KLF13: variants seen among roughly 807,000 people sequenced by gnomAD.
The protein encoded by KLF13 is KLF transcription factor 13.
A neutral mutation model predicts 16.7 loss-of-function variants in KLF13; 8 were observed. That is an observed-to-expected ratio of 0.48 (90% CI 0.28 to 0.87). KLF13 has a LOEUF of 0.87. Among genes scored for constraint, KLF13 ranks in the 40% least tolerant of loss-of-function variants. The probability of loss-of-function intolerance (pLI) is 0.10; values close to 1 mark genes in which losing one functional copy is unlikely to be tolerated. For missense variants in KLF13, 447 were observed against 452.2 expected (o/e 0.99, Z 0.10); for synonymous variants, 245 against 208.4 (o/e 1.18, Z -1.51).
Position 31,373,695 on chromosome 15 carries a change from A to G in KLF13, c.*1396A>G, listed in dbSNP as rs1253960879. On this transcript the variant is annotated 3_prime_UTR_variant, in exon 2 of 2. Coordinates refer to ENST00000307145, the MANE Select transcript of KLF13 (RefSeq NM_015995.4). The stretch of plus-strand genomic sequence containing the variant: ...GAGCTGGGTCCTGGGCTGGGATTCG[A>G]GCCCTGGGCGGGGGTCAGTCAAGCC... The G allele has an allele frequency of 6.6e-6, 1 of 152,118 alleles. No homozygotes were observed. Among genetic ancestry groups the G allele is most frequent in the African/African-American group, 2.4e-5 (1 of 41,410 alleles). The allele number at this position is 152,118 out of a possible 1,614,324, so 9.4% of individuals were successfully genotyped here. A position where few individuals can be genotyped will look rare whatever the true frequency, so the allele number is the denominator to read the frequency against.
Position 31,374,334 on chromosome 15 carries a change from C to T in KLF13, c.*2035C>T, listed in dbSNP as rs371507983. ...TGGGAACTGGCAGGGAGAGGGTCAC[C>T]TCCACTCTGGTTGGATGCGGAGCTG... On this transcript the variant is annotated 3_prime_UTR_variant, in exon 2 of 2. Coordinates refer to ENST00000307145, the MANE Select transcript of KLF13 (RefSeq NM_015995.4). 2.6e-5 allele frequency: 4 copies of T among 152,450 alleles called. No homozygotes were observed. The highest frequency in any genetic ancestry group is 9.6e-5 in the African/African-American group (4 of 41,482). The allele number at this position is 152,450 out of a possible 1,614,324, so 9.4% of individuals were successfully genotyped here.
At chr15:31,382,633 G>T (rs1167206420), downstream of KLF13, among the ~76,000 whole-genome samples, 1 of 152,200 alleles carries the variant, frequency 6.6e-6, no homozygotes, top group Non-Finnish European at 1.5e-5. Flanking sequence ...GCACCTGGCA[G>T]CTCAGTGTGT....
chr15:31,404,647 A>C (rs575088161), exon 3 of KLF13: 1 of 152,398 alleles, frequency 6.6e-6, no homozygotes, highest in African/African-American at 2.4e-5. Context: ...CCCTCCAGTC[A>C]GCAGCAGGCA....
In KLF13 at chr15:31,354,940, CA is replaced by C. The variant is rs200942793; in HGVS notation, c.578-17064del. On this transcript the variant is annotated intron_variant, in intron 1 of 1. Transcript: ENST00000307145. Reference sequence around the variant, plus strand: ...TACTGGGCTAACAGTAAGTGTGAAGCAAAAAATCCAAAGCCTGAAGTCACCC... The same window carrying C: ...TACTGGGCTAACAGTAAGTGTGAAGCAAAAATCCAAAGCCTGAAGTCACCC... Among the ~76,000 whole-genome samples, 253 of 152,254 alleles carry C rather than the reference CA, an allele frequency of 1.7e-3. 6 individuals carry two copies. In the East Asian group the frequency reaches 0.028, roughly 17 times the overall value.
chr15:31,341,084 ATGT>A (rs2039014790), intron 1 of KLF13, among the ~76,000 whole-genome samples: 1 of 151,920 alleles, frequency 6.6e-6, no homozygotes, highest in African/African-American at 2.4e-5. Context: ...GACTCCACAA[ATGT>A]TGTATTTGCA....
downstream of KLF13, among the ~76,000 whole-genome samples, chr15:31,409,724 G>A (rs1203042758): frequency 6.6e-6 from 1 of 152,098 alleles, no homozygotes; most frequent in Non-Finnish European, 1.5e-5. Flanking sequence ...TTACAATAAA[G>A]TGACATGTTT....
chr15:31,384,828 C>A (rs1240470794), intron 1 of KLF13, among the ~76,000 whole-genome samples: 3 of 152,170 alleles, frequency 2.0e-5, no homozygotes, highest in Non-Finnish European at 2.9e-5. Flanking sequence ...CAAAAGCAAG[C>A]TGCTAAAGGA....
At chr15:31,328,121 A>C (rs2038754014) in intron 1 of KLF13, among the ~76,000 whole-genome samples, 1 of 147,842 alleles carries the variant, frequency 6.8e-6, no homozygotes, top group South Asian at 2.2e-4. Flanking sequence ...CGGCGCGGGC[A>C]GGTGCGGGCG....
chr15:31,383,695 T>C lies in KLF13; in HGVS notation n.224-51675T>C, dbSNP rs902236476. On this transcript the variant is annotated intron_variant and non_coding_transcript_variant, in intron 1 of 1. Transcript: ENST00000558921. ...GCGGGCAGATCACGAGGTCAGGAGA[T>C]CGAGACCATCCTGGCTAACACGGTG... 2.0e-5 allele frequency among the ~76,000 whole-genome samples: 3 copies of C among 152,050 alleles called. No individual in the cohort carries two copies. In the East Asian group the frequency reaches 5.8e-4, roughly 30 times the overall value.
exon 3 of KLF13, chr15:31,404,598 G>A (rs2040088831): frequency 6.6e-6 from 1 of 152,234 alleles, no homozygotes; most frequent in African/African-American, 2.4e-5. Flanking sequence ...CAATCAGCAG[G>A]ACATGGGTGG....
At chr15:31,430,733 G>T (rs1298311774) in intron 1 of KLF13, among the ~76,000 whole-genome samples, 1 of 152,210 alleles carries the variant, frequency 6.6e-6, no homozygotes, top group African/African-American at 2.4e-5. Flanking sequence ...TGAAAGAGAA[G>T]ATATCTAAAT....
At chr15:31,422,144 A>G (rs1027041066) in intron 1 of KLF13, among the ~76,000 whole-genome samples, 1 of 151,936 alleles carries the variant, frequency 6.6e-6, no homozygotes, top group Non-Finnish European at 1.5e-5. Context: ...AAAAAAAAAA[A>G]AAAAGAAAAA....
At chr15:31,334,782 C>T (rs529647564) in intron 1 of KLF13, among the ~76,000 whole-genome samples, 3 of 152,308 alleles carry the variant, frequency 2.0e-5, no homozygotes, top group African/African-American at 7.2e-5. Flanking sequence ...AGTCAACTTC[C>T]TGTCGAGATG....
chr15:31,424,869 G>A (rs770733883), intron 1 of KLF13, among the ~76,000 whole-genome samples: 4 of 44,496 alleles, frequency 9.0e-5, no homozygotes, highest in Non-Finnish European at 1.7e-4. Flanking sequence ...GAAAATTCTA[G>A]AGATTTCACA....
downstream of KLF13, among the ~76,000 whole-genome samples, chr15:31,404,967 C>T (rs2040100319): frequency 6.6e-6 from 1 of 152,192 alleles, no homozygotes; most frequent in African/African-American, 2.4e-5. Context: ...CTCCACCCTG[C>T]CTCAAAGAGG....
chr15:31,330,335 G>T (rs914155270), intron 1 of KLF13, among the ~76,000 whole-genome samples: 1 of 152,198 alleles, frequency 6.6e-6, no homozygotes, highest in African/African-American at 2.4e-5. Context: ...GCTCGGGAAG[G>T]TGCCCCCGCC....
chr15:31,341,308 T>C (rs1029136106), intron 1 of KLF13, among the ~76,000 whole-genome samples: 2 of 152,008 alleles, frequency 1.3e-5, no homozygotes, highest in African/African-American at 2.4e-5. Flanking sequence ...AGAATGTGGG[T>C]GAGGCACCCA....
chr15:31,391,500 A>G (rs2039867637), upstream of KLF13, among the ~76,000 whole-genome samples: 1 of 151,508 alleles, frequency 6.6e-6, no homozygotes, highest in South Asian at 2.1e-4. Flanking sequence ...CCGCATTTTA[A>G]CAATGGGGGC....
chr15:31,421,128 G>C (rs148960098), intron 1 of KLF13, among the ~76,000 whole-genome samples: 9 of 152,106 alleles, frequency 5.9e-5, no homozygotes, highest in Admixed American at 1.3e-4. Flanking sequence ...TTAAGCCTCG[G>C]TTGAGCCATT....
Sources: gnomAD v4.1 joint callset for allele counts (sites outside exome capture counted in the v4.1 genomes callset) on GRCh38, gnomAD v4.1.1 for gene constraint, MANE v1.5 for transcripts, NCBI Gene and HGNC (gene_info 2026-07-23, HGNC 2026-07-21) for gene names.